FAM98B: variants seen among roughly 807,000 people sequenced by gnomAD.
The protein encoded by FAM98B is tRNA-splicing ligase complex subunit FAM98B.
In FAM98B, 32 loss-of-function variants were observed where a neutral mutation model predicts 43.9. That is an observed-to-expected ratio of 0.73 (90% CI 0.55 to 0.98). The LOEUF (loss-of-function observed/expected upper bound fraction) is 0.98, where lower values mean the gene tolerates loss of function less well. FAM98B is among the 50% of genes least tolerant of loss of function. FAM98B has a pLI of 0.00. For synonymous variants in FAM98B, 190 were observed against 174.0 expected, an observed-to-expected ratio of 1.09 and a Z score of -0.72; for missense variants, 514 against 522.9, an observed-to-expected ratio of 0.98 and a Z score of 0.17.
intron 2 of FAM98B, among the ~76,000 whole-genome samples, chr15:38,464,416 G>A (rs890325915): frequency 1.3e-5 from 2 of 151,720 alleles, no homozygotes; most frequent in Admixed American, 6.6e-5. Flanking sequence ...TCTTCCTGAC[G>A]GCTCTGATAT....
chr15:38,487,692 A>AGTAG lies in FAM98B; in HGVS notation c.*3036_*3039dup, dbSNP rs1890400212. 6.6e-6 allele frequency: 1 copy of AGTAG among 152,070 alleles called. No homozygotes were observed. The highest frequency in any genetic ancestry group is 6.6e-5 in the Admixed American group (1 of 15,260). 9.4% of individuals were successfully genotyped at this position (152,070 alleles called of 1,614,324 possible). On this transcript the variant is annotated 3_prime_UTR_variant, in exon 8 of 8. Coordinates refer to ENST00000397609, the MANE Select transcript of FAM98B (RefSeq NM_173611.4). The stretch of plus-strand genomic sequence containing the variant: ...TCATGACCACAAATAAATTGCCCTG[A>AGTAG]GTAGGTCTGTAACCTGGATTGAGCT...
chr15:38,461,442 AT>A (rs952976917), intron 1 of FAM98B, among the ~76,000 whole-genome samples: 1 of 152,152 alleles, frequency 6.6e-6, no homozygotes, highest in African/African-American at 2.4e-5. Flanking sequence ...ATGATGGAGC[AT>A]TTGGGTTAAA....
chr15:38,458,772 A>C (rs1471893645), intron 1 of FAM98B: 3 of 384,898 alleles, frequency 7.8e-6, no homozygotes, highest in Non-Finnish European at 1.5e-5. Context: ...GCCCCTACCC[A>C]AGGCTGGTAT....
chr15:38,465,524 A>G lies in FAM98B; in HGVS notation c.352+121A>G, dbSNP rs939429003. The stretch of plus-strand genomic sequence containing the variant: ...TTAAAAGGGTTTTAATATTTTACTT[A>G]AAATACAAAGCTATCTCAGAAATGT... On this transcript the variant is annotated intron_variant, in intron 3 of 7. Transcript: ENST00000397609. 62 of 902,582 alleles carry G rather than the reference A, an allele frequency of 6.9e-5. 1 individual carries two copies. The highest frequency in any genetic ancestry group is 3.2e-4 in the South Asian group (12 of 38,008). The allele number at this position is 902,582 out of a possible 1,614,324, so 55.9% of individuals were successfully genotyped here.
chr15:38,454,159 A>C lies in FAM98B; in HGVS notation c.-3A>C. On this transcript the variant is annotated 5_prime_UTR_variant, in exon 1 of 8. Transcript: ENST00000397609. ...GCGCCGAACAGCTCTGGGCCAAAGG[A>C]CCATGAGAGGGCCGGAGCCGGGTCC... The C allele has an allele frequency of 1.9e-6, 3 of 1,594,674 alleles. No homozygotes were observed. The highest frequency in any genetic ancestry group is 2.3e-5 in the East Asian group (1 of 44,190).
intron 1 of FAM98B, among the ~76,000 whole-genome samples, chr15:38,457,321 T>G (rs1429047120): frequency 6.6e-6 from 1 of 152,210 alleles, no homozygotes; most frequent in African/African-American, 2.4e-5. Context: ...CCCAACAGAT[T>G]AATTTCTTCA....
At position 38,454,183 on chromosome 15, in the gene FAM98B, C is replaced by A. The variant is rs201983734; in HGVS notation, c.22C>A (p.Pro8Thr). 3 of 1,602,208 alleles carry A rather than the reference C, an allele frequency of 1.9e-6. No individual in the cohort carries two copies. The highest frequency in any genetic ancestry group is 2.7e-5 in the African/African-American group (2 of 74,836). ...GACCATGAGAGGGCCGGAGCCGGGT[C>A]CCCAACCGACGATGGAGGGAGACGT... Reference protein sequence around the residue: MRGPEPGPQPTMEGDVLD... With the variant: MRGPEPGTQPTMEGDVLD... Residue 8 changes from proline to threonine, a missense_variant, in exon 1 of 8, where the codon CCC (proline) becomes ACC (threonine). Around this residue, in one of 2 missense-constraint regions of FAM98B, gnomAD observed 469 missense variants for 451.8 expected, o/e 1.04. Transcript: ENST00000397609.
intron 6 of FAM98B, among the ~76,000 whole-genome samples, chr15:38,474,954 C>T (rs886856606): frequency 6.6e-6 from 1 of 152,106 alleles, no homozygotes; most frequent in African/African-American, 2.4e-5. Context: ...CAGTGTCTGA[C>T]CATCATTGGT....
chr15:38,473,504 G>A lies in FAM98B; in HGVS notation c.532-1G>A. The A allele has an allele frequency of 1.3e-6, 2 of 1,592,658 alleles. No individual in the cohort carries two copies. Among genetic ancestry groups the A allele is most frequent in the Non-Finnish European group, 1.7e-6 (2 of 1,169,012 alleles). ...TCACAATCTTTTATATTTACTTTTA[G>A]GTGAAAGATATTCTCTCAAAGGTCC... On this transcript the variant is annotated splice_acceptor_variant, in intron 4 of 7. Coordinates refer to ENST00000397609, the MANE Select transcript of FAM98B (RefSeq NM_173611.4). LOFTEE classifies it high-confidence loss of function.
chr15:38,472,784 G>T (rs993514215), intron 4 of FAM98B, among the ~76,000 whole-genome samples: 4 of 151,726 alleles, frequency 2.6e-5, no homozygotes, highest in Non-Finnish European at 5.9e-5. Context: ...TGTTTCCTTT[G>T]GTTACCTTGT....
chr15:38,454,141 A>T lies in FAM98B; in HGVS notation c.-21A>T. Reference sequence around the variant, plus strand: ...TCCGGCGGGCTACTTAGAGCGCCGAACAGCTCTGGGCCAAAGGACCATGAG... The same window carrying T: ...TCCGGCGGGCTACTTAGAGCGCCGATCAGCTCTGGGCCAAAGGACCATGAG... On this transcript the variant is annotated 5_prime_UTR_variant, in exon 1 of 8. Coordinates refer to ENST00000397609, the MANE Select transcript of FAM98B (RefSeq NM_173611.4). 1.3e-6 allele frequency: 2 copies of T among 1,585,752 alleles called. No homozygotes were observed. The highest frequency in any genetic ancestry group is 1.7e-6 in the Non-Finnish European group (2 of 1,167,260).
rs555111431 is a variant in FAM98B at position 38,455,433 on chromosome 15, C to T, written c.71+1201C>T. Among the ~76,000 whole-genome samples the T allele has an allele frequency of 7.3e-5, 11 of 151,712 alleles. No individual in the cohort carries two copies. The South Asian group carries it at 2.1e-3, about 29-fold the overall frequency. On this transcript the variant is annotated intron_variant, in intron 1 of 7. Transcript: ENST00000397609. ...TTATCTTCTCTAAAACTGCATTTGC[C>T]CCTCTATCAATTGTTTCTTTAGTTG...
At chr15:38,458,548 A>G (rs796542527) in intron 1 of FAM98B, among the ~76,000 whole-genome samples, 1 of 152,162 alleles carries the variant, frequency 6.6e-6, no homozygotes, top group East Asian at 1.9e-4. Context: ...ACAACTCGGG[A>G]GCAGGTAGTT....
intron 3 of FAM98B, among the ~76,000 whole-genome samples, chr15:38,467,174 G>A (rs992527322): frequency 3.9e-5 from 6 of 152,038 alleles, no homozygotes; most frequent in African/African-American, 1.4e-4. Flanking sequence ...TTTTGCTCCA[G>A]AAAGGTTATA....
At chr15:38,461,742 C>T (rs1047094397) in intron 1 of FAM98B, among the ~76,000 whole-genome samples, 1 of 152,064 alleles carries the variant, frequency 6.6e-6, no homozygotes, top group Admixed American at 6.6e-5. Flanking sequence ...TACCCTACGT[C>T]TTGCTTGTAA....
chr15:38,474,039 C>T, intron 5 of FAM98B, 143 bp from the exon 6 acceptor site: 1 of 597,930 alleles, frequency 1.7e-6, no homozygotes, highest in Non-Finnish European at 3.0e-6. Context: ...AAATAATTTA[C>T]CATAAAGTCT....
Position 38,470,471 on chromosome 15 carries a change from A to T in FAM98B, c.531+66A>T, listed in dbSNP as rs1452937130. The T allele has an allele frequency of 1.3e-5, 17 of 1,352,648 alleles. 1 individual carries two copies. The highest frequency in any genetic ancestry group is 4.9e-5 in the East Asian group (2 of 40,790). The allele number at this position is 1,352,648 out of a possible 1,614,324, so 83.8% of individuals were successfully genotyped here. Reference sequence around the variant, plus strand: ...GGTAACATGTAAGTGCTATATTAAAAATGAAACTATTCCCTATAATTATGA... The same window carrying T: ...GGTAACATGTAAGTGCTATATTAAATATGAAACTATTCCCTATAATTATGA... On this transcript the variant is annotated intron_variant, in intron 4 of 7. Transcript: ENST00000397609.
intron 1 of FAM98B, among the ~76,000 whole-genome samples, chr15:38,461,412 G>T (rs538906717): frequency 2.6e-5 from 4 of 152,182 alleles, no homozygotes; most frequent in Non-Finnish European, 4.4e-5. Context: ...GTAGACAGAG[G>T]TCTAACAAGA....
intron 1 of FAM98B, among the ~76,000 whole-genome samples, chr15:38,461,180 GTT>G (rs144675775): frequency 0.12 from 18,977 of 152,132 alleles, 1,271 homozygotes; most frequent in East Asian, 0.3. Flanking sequence ...TTCTTCAAGA[GTT>G]TATGAGTATT....
Sources: allele counts gnomAD v4.1 joint callset (sites outside exome capture counted in the v4.1 genomes callset), GRCh38; gene constraint gnomAD v4.1.1; regional missense constraint gnomAD v4.1.1; transcripts MANE v1.5; gene names NCBI Gene and HGNC (gene_info 2026-07-23, HGNC 2026-07-21).